SMCO4: variants seen among roughly 807,000 people sequenced by gnomAD.
SMCO4 encodes single-pass membrane and coiled-coil domain-containing protein 4.
A neutral mutation model predicts 3.6 loss-of-function variants in SMCO4; 4 were observed. That is an observed-to-expected ratio of 1.11 (90% CI 0.54 to 2.53). The LOEUF is 2.53. Ranked by LOEUF, SMCO4 falls within the 30% of genes most tolerant of loss-of-function variation. The pLI, the probability that SMCO4 is intolerant of heterozygous loss-of-function variation, is 0.02. For missense variants in SMCO4, 70 were observed against 80.8 expected (o/e 0.87, Z 0.51); for synonymous variants, 36 against 35.3 (o/e 1.02, Z -0.07).
chr11:93,544,066 G>C (rs1264464828), upstream of SMCO4, among the ~76,000 whole-genome samples: 1 of 152,128 alleles, frequency 6.6e-6, no homozygotes, highest in Non-Finnish European at 1.5e-5. Flanking sequence ...ACACGTTTAG[G>C]TTTGAGATCT....
chr11:93,488,081 C>T (rs576612704), intron 2 of SMCO4, among the ~76,000 whole-genome samples: 2 of 152,336 alleles, frequency 1.3e-5, no homozygotes, highest in East Asian at 3.9e-4. Context: ...ATGCTATGTG[C>T]TGCTGGAGGC....
chr11:93,491,172 G>A (rs559624919), intron 2 of SMCO4, among the ~76,000 whole-genome samples: 14 of 152,230 alleles, frequency 9.2e-5, no homozygotes, highest in African/African-American at 3.1e-4. Context: ...CTTCCTTAAC[G>A]GCAGCTCAAC....
At chr11:93,527,217 G>C (rs866523000) in intron 1 of SMCO4, among the ~76,000 whole-genome samples, 33 of 152,336 alleles carry the variant, frequency 2.2e-4, no homozygotes, top group Middle Eastern at 3.4e-3. Flanking sequence ...GGCAGAGGCA[G>C]AAGAGTGATC....
intron 1 of SMCO4, among the ~76,000 whole-genome samples, chr11:93,534,367 T>C (rs1322030637): frequency 7.3e-5 from 7 of 96,184 alleles, no homozygotes; most frequent in Admixed American, 1.9e-4. Flanking sequence ...CATATATATA[T>C]ATATATATAG....
intron 2 of SMCO4, among the ~76,000 whole-genome samples, chr11:93,479,642 T>C (rs924497920): frequency 6.6e-6 from 1 of 152,176 alleles, no homozygotes; most frequent in Non-Finnish European, 1.5e-5. Context: ...TGCTCTAAGT[T>C]CCATGATCTC....
intron 2 of SMCO4, among the ~76,000 whole-genome samples, chr11:93,491,295 G>A (rs1346193124): frequency 2.0e-5 from 3 of 152,238 alleles, no homozygotes; most frequent in African/African-American, 7.2e-5. Context: ...GAAATATGCA[G>A]AAGTAAGTGA....
chr11:93,540,871 A>G (rs996223689), intron 1 of SMCO4, among the ~76,000 whole-genome samples: 1 of 152,246 alleles, frequency 6.6e-6, no homozygotes, highest in African/African-American at 2.4e-5. Flanking sequence ...CATTTTTAAC[A>G]CTACCTCATC....
intron 2 of SMCO4, among the ~76,000 whole-genome samples, chr11:93,495,821 T>A (rs1440494340): frequency 6.6e-6 from 1 of 152,216 alleles, no homozygotes; most frequent in Non-Finnish European, 1.5e-5. Flanking sequence ...GAGGAACAAA[T>A]CACTCCTTGT....
intron 1 of SMCO4, among the ~76,000 whole-genome samples, chr11:93,532,397 A>T (rs1949171852): frequency 6.6e-6 from 1 of 152,196 alleles, no homozygotes; most frequent in Admixed American, 6.5e-5. Flanking sequence ...CCTGCCCCCA[A>T]ACCCCCAGGT....
At chr11:93,542,700 G>C (rs1049821922) in intron 1 of SMCO4, among the ~76,000 whole-genome samples, 1 of 152,136 alleles carries the variant, frequency 6.6e-6, no homozygotes, top group South Asian at 2.1e-4. Context: ...CCGAAAGAAC[G>C]GGGGAGGAGG....
At chr11:93,492,514 G>A (rs1167009455) in intron 2 of SMCO4, among the ~76,000 whole-genome samples, 8 of 152,224 alleles carry the variant, frequency 5.3e-5, no homozygotes, top group African/African-American at 1.9e-4. Flanking sequence ...AAAGTGCTAT[G>A]AAGAAAGACA....
At chr11:93,524,303 C>A (rs901654158) in intron 1 of SMCO4, among the ~76,000 whole-genome samples, 9 of 152,144 alleles carry the variant, frequency 5.9e-5, no homozygotes, top group Non-Finnish European at 1.3e-4. Context: ...TGGGACCACA[C>A]ATTCCTGAGG....
At chr11:93,525,165 G>T (rs1949094704) in intron 1 of SMCO4, among the ~76,000 whole-genome samples, 1 of 152,192 alleles carries the variant, frequency 6.6e-6, no homozygotes, top group Admixed American at 6.5e-5. Context: ...GGGCTCCTGA[G>T]ACCACTGTGC....
intron 1 of SMCO4, among the ~76,000 whole-genome samples, chr11:93,502,009 G>C (rs1431424661): frequency 6.6e-6 from 1 of 151,936 alleles, no homozygotes; most frequent in Non-Finnish European, 1.5e-5. Flanking sequence ...CAAGAAAGGA[G>C]AGCAGGCTAG....
At chr11:93,534,235 CACACACACACACACACACACACACACAA>C (rs1565389911) in intron 1 of SMCO4, among the ~76,000 whole-genome samples, 1 of 8,182 alleles carries the variant, frequency 1.2e-4, no homozygotes, top group Non-Finnish European at 2.7e-4. Flanking sequence ...CACACACACA[CACACACACACACACACACACACACACAA>C]ACACATATAT....
Position 93,543,259 on chromosome 11 carries a change from C to T in SMCO4, c.-154+17G>A, listed in dbSNP as rs887670735. 1.6e-4 allele frequency: 23 copies of T among 146,134 alleles called. 1 individual carries two copies. Among genetic ancestry groups the T allele is most frequent in the South Asian group, 9.0e-4 (5 of 5,576 alleles). 9.1% of individuals were successfully genotyped at this position (146,134 alleles called of 1,614,324 possible). ...GCCCGCCCCGCCGCCGCCGCCGCCG[C>T]GCCGCTCCCAGCCCACCTGCCCGCG... On this transcript the variant is annotated intron_variant, in intron 1 of 2. Transcript: ENST00000298966.
At chr11:93,479,715 C>T (rs936808132) in intron 2 of SMCO4, among the ~76,000 whole-genome samples, 1 of 152,228 alleles carries the variant, frequency 6.6e-6, no homozygotes, top group African/African-American at 2.4e-5. Context: ...TAGCCCCCTT[C>T]CTGCCCAAGC....
chr11:93,543,861 A>T (rs1949294360), upstream of SMCO4, among the ~76,000 whole-genome samples: 1 of 152,168 alleles, frequency 6.6e-6, no homozygotes, highest in Non-Finnish European at 1.5e-5. Context: ...TGAGACTTTT[A>T]CCGCTGTCTA....
At chr11:93,537,636 G>C (rs569518078) in intron 1 of SMCO4, among the ~76,000 whole-genome samples, 2 of 151,950 alleles carry the variant, frequency 1.3e-5, no homozygotes, top group Non-Finnish European at 1.5e-5. Flanking sequence ...AGGTAGGCAT[G>C]ACAGCTCATA....
Sources: gnomAD v4.1 joint callset for allele counts (sites outside exome capture counted in the v4.1 genomes callset) on GRCh38, gnomAD v4.1.1 for gene constraint, MANE v1.5 for transcripts, NCBI Gene and HGNC (gene_info 2026-07-23, HGNC 2026-07-21) for gene names.